Variants in ABLIM3 observed in about 807,000 individuals in gnomAD.
ABLIM3 encodes actin-binding LIM protein 3.
In ABLIM3, 61 loss-of-function variants were observed where a neutral mutation model predicts 109.5. The ratio of observed to expected loss-of-function variants is 0.56; its 90% confidence interval spans 0.45 to 0.69. The LOEUF (loss-of-function observed/expected upper bound fraction) is 0.69. Among genes scored for constraint, ABLIM3 ranks in the 30% least tolerant of loss-of-function variants. The pLI is 0.00. For missense variants in ABLIM3, 796 were observed against 889.5 expected (o/e 0.89, Z 1.34); for synonymous variants, 300 against 324.8 (o/e 0.92, Z 0.82).
intron 2 of ABLIM3, among the ~76,000 whole-genome samples, chr5:149,173,536 G>A (rs925179730): frequency 6.6e-6 from 1 of 152,150 alleles, no homozygotes; most frequent in African/African-American, 2.4e-5. Context: ...GGATGAGATG[G>A]GGCAGAAGGG....
intron 8 of ABLIM3, chr5:149,220,601 T>G (rs1760543236): frequency 6.6e-6 from 1 of 152,056 alleles, no homozygotes; most frequent in African/African-American, 2.4e-5. Flanking sequence ...ATCTGGGCCT[T>G]GGACACCCTC....
Position 149,237,573 on chromosome 5 carries a change from C to A in ABLIM3, c.1014C>A (p.Asp338Glu), listed in dbSNP as rs144195918. 2 of 1,614,044 alleles carry A rather than the reference C, an allele frequency of 1.2e-6. No homozygotes were observed. Among genetic ancestry groups the A allele is most frequent in the Admixed American group, 1.7e-5 (1 of 60,004 alleles). ...SYEPHSRYMS[D>E]EMLERCGYGE... ...AGCCTCATTCCAGATACATGTCCGA[C>A]GAGATGCTGGAGAGATGTGGCTATG... Residue 338 changes from aspartate to glutamate, a missense_variant, in exon 11 of 24, where the codon GAC (aspartate) becomes GAA (glutamate). Asp to Glu is a conservative substitution (Grantham distance 45). Coordinates refer to ENST00000309868, the MANE Select transcript of ABLIM3 (RefSeq NM_014945.5).
chr5:149,180,878 T>C (rs556365105), intron 2 of ABLIM3, among the ~76,000 whole-genome samples: 103 of 152,304 alleles, frequency 6.8e-4, no homozygotes, highest in African/African-American at 2.4e-3. Context: ...ATCCGGGTGG[T>C]TCAAAGACTG....
intron 3 of ABLIM3, among the ~76,000 whole-genome samples, chr5:149,183,959 T>G (rs1756711053): frequency 7.0e-6 from 1 of 141,898 alleles, no homozygotes; most frequent in South Asian, 2.3e-4. Flanking sequence ...TTTGTTTGTT[T>G]TTTGTTTTTT....
chr5:149,258,351 C>T lies in ABLIM3; in HGVS notation c.1999C>T (p.Arg667Trp), dbSNP rs755883271. 3.7e-6 allele frequency: 6 copies of T among 1,613,924 alleles called. No individual in the cohort carries two copies. Among genetic ancestry groups the T allele is most frequent in the East Asian group, 2.2e-5 (1 of 44,890 alleles). The change falls in exon 24 of 24, where the codon CGG becomes TGG. Residue 667 changes from arginine to tryptophan, a missense_variant. Coordinates refer to ENST00000309868, the MANE Select transcript of ABLIM3 (RefSeq NM_014945.5). ...TGGCATGACCATCTCTGAGTTTGAC[C>T]GGCTGGCCCTCTGGAAGAGGAATGA... ...VFGMTISEFD[R>W]LALWKRNELK...
chr5:149,215,678 C>T (rs1472594604), intron 7 of ABLIM3, among the ~76,000 whole-genome samples: 4 of 152,198 alleles, frequency 2.6e-5, no homozygotes, highest in Non-Finnish European at 5.9e-5. Flanking sequence ...TTCCCCTGGG[C>T]ATTACCCTCC....
intron 2 of ABLIM3, 65 bp downstream of exon 2, chr5:149,142,173 C>T (rs917091826): frequency 5.1e-6 from 8 of 1,582,632 alleles, no homozygotes; most frequent in South Asian, 1.1e-5. Flanking sequence ...AGGGAGCCTG[C>T]GCTCGGGCTG....
chr5:149,209,375 G>T (rs925005836), intron 6 of ABLIM3, among the ~76,000 whole-genome samples: 2 of 152,308 alleles, frequency 1.3e-5, no homozygotes, highest in East Asian at 3.9e-4. Context: ...GGATAGAAGC[G>T]CAGCCTATGT....
intron 6 of ABLIM3, among the ~76,000 whole-genome samples, chr5:149,208,535 C>T (rs1262519487): frequency 6.6e-6 from 1 of 152,146 alleles, no homozygotes; most frequent in Non-Finnish European, 1.5e-5. Flanking sequence ...ACACTCCAGG[C>T]TTCCATACCA....
At chr5:149,146,258 G>A (rs554350817) in intron 2 of ABLIM3, among the ~76,000 whole-genome samples, 1 of 152,270 alleles carries the variant, frequency 6.6e-6, no homozygotes, top group South Asian at 2.1e-4. Flanking sequence ...CTCTCATTCT[G>A]TAAGTTGTCT....
intron 2 of ABLIM3, among the ~76,000 whole-genome samples, chr5:149,168,663 GC>G (rs1341934990): frequency 2.0e-5 from 3 of 152,196 alleles, no homozygotes; most frequent in Non-Finnish European, 2.9e-5. Flanking sequence ...TTTTTTCAAT[GC>G]CAGTTGACTT....
Position 149,197,955 on chromosome 5 carries a change from C to G in ABLIM3, c.152-264C>G, listed in dbSNP as rs539332107. On this transcript the variant is annotated intron_variant, in intron 3 of 23. Coordinates refer to ENST00000309868, the MANE Select transcript of ABLIM3 (RefSeq NM_014945.5). Reference sequence around the variant, plus strand: ...CCGGGCATCTGGATTATAAGAAGCTCTCGGGGTGATACTGATGCTAGTGGC... The same window carrying G: ...CCGGGCATCTGGATTATAAGAAGCTGTCGGGGTGATACTGATGCTAGTGGC... 2.0e-5 allele frequency among the ~76,000 whole-genome samples: 3 copies of G among 152,258 alleles called. No homozygotes were observed. In the East Asian group the frequency reaches 5.8e-4, roughly 29 times the overall value.
chr5:149,183,163 C>T (rs748549221), intron 2 of ABLIM3, among the ~76,000 whole-genome samples: 7 of 152,150 alleles, frequency 4.6e-5, no homozygotes, highest in Non-Finnish European at 1.0e-4. Flanking sequence ...CTTTGAAATA[C>T]TCTATGTCCT....
chr5:149,232,371 C>T (rs1232786819), intron 9 of ABLIM3, among the ~76,000 whole-genome samples: 2 of 152,106 alleles, frequency 1.3e-5, no homozygotes, highest in East Asian at 3.9e-4. Flanking sequence ...TAGCACCAAA[C>T]TGAGACGGCC....
At position 149,198,853 on chromosome 5, in the gene ABLIM3, A is replaced by T. The variant is rs994256851; in HGVS notation, c.335+451A>T. 5.3e-5 allele frequency among the ~76,000 whole-genome samples: 8 copies of T among 152,074 alleles called. No individual in the cohort carries two copies. Among genetic ancestry groups the T allele is most frequent in the Admixed American group, 1.3e-4 (2 of 15,280 alleles). On this transcript the variant is annotated intron_variant, in intron 4 of 23. Transcript: ENST00000309868. The surrounding 1 kb of genome is among the most constrained non-coding windows in gnomAD (Gnocchi z 4.2). ...GCTGTTGGAGTGACCCTGGCAAGTG[A>T]CCCCCACCTCTGTAAGCCTCAGTTT...
At chr5:149,252,493 G>T in intron 22 of ABLIM3, 1 of 551,814 alleles carries the variant, frequency 1.8e-6, no homozygotes, top group Non-Finnish European at 3.2e-6. Context: ...GGGAGGTCAT[G>T]TGCCCATATT....
At chr5:149,238,419 T>C (rs543910364) in intron 11 of ABLIM3, among the ~76,000 whole-genome samples, 4 of 152,112 alleles carry the variant, frequency 2.6e-5, no homozygotes, top group Non-Finnish European at 5.9e-5. Flanking sequence ...GGGTTCCATT[T>C]GGTTGAAGAG....
At chr5:149,153,874 G>A (rs1446653252) in intron 2 of ABLIM3, among the ~76,000 whole-genome samples, 1 of 152,184 alleles carries the variant, frequency 6.6e-6, no homozygotes, top group Non-Finnish European at 1.5e-5. Flanking sequence ...CCGCCCTGCT[G>A]TTCCCAGGGG....
intron 2 of ABLIM3, among the ~76,000 whole-genome samples, chr5:149,169,994 T>C (rs1416758122): frequency 6.6e-6 from 1 of 152,226 alleles, no homozygotes; most frequent in Non-Finnish European, 1.5e-5. Flanking sequence ...AACTTTTATA[T>C]TAAGTTCAGG....
Sources: allele counts gnomAD v4.1 joint callset (sites outside exome capture counted in the v4.1 genomes callset), GRCh38; gene constraint gnomAD v4.1.1; non-coding constraint Gnocchi (gnomAD v3.1); transcripts MANE v1.5; gene names NCBI Gene and HGNC (gene_info 2026-07-23, HGNC 2026-07-21).